The following LHPP variants were observed in gnomAD, a reference collection of about 807,000 sequenced individuals.
LHPP encodes phospholysine phosphohistidine inorganic pyrophosphate phosphatase.
LHPP carries 24 observed loss-of-function variants against 30.3 expected under a neutral mutation model. That is an observed-to-expected ratio of 0.79 (90% CI 0.57 to 1.11). The LOEUF (loss-of-function observed/expected upper bound fraction) is 1.11. Ranked by LOEUF, LHPP falls within the 50% of genes most tolerant of loss-of-function variation. The pLI is 0.00. For synonymous variants in LHPP, 150 were observed against 157.1 expected, an observed-to-expected ratio of 0.95 and a Z score of 0.34; for missense variants, 356 against 367.2, an observed-to-expected ratio of 0.97 and a Z score of 0.25.
At chr10:124,505,355 G>C (rs1442655548) in intron 5 of LHPP, among the ~76,000 whole-genome samples, 2 of 152,042 alleles carry the variant, frequency 1.3e-5, no homozygotes, top group Non-Finnish European at 2.9e-5. Flanking sequence ...GCCAGGCTGT[G>C]GCAAACCTTA....
In LHPP at chr10:124,523,643, T is replaced by TA. The variant is rs1954662984; in HGVS notation, c.716+6373dup. On this transcript the variant is annotated intron_variant, in intron 6 of 6. Coordinates refer to ENST00000368842, the MANE Select transcript of LHPP (RefSeq NM_022126.4). This position sits in a 1 kb window ranked among gnomAD's most constrained non-coding sequence, Gnocchi z 4.2. ...GCAGTCACATGTCAAAGTGAGTGGCTAGCAAGCAGGGGGGTCCAGGCTGTG... is the reference window on the plus strand; with the variant it reads ...GCAGTCACATGTCAAAGTGAGTGGCTAAGCAAGCAGGGGGGTCCAGGCTGTG... Among the ~76,000 whole-genome samples the TA allele has an allele frequency of 6.6e-6, 1 of 152,218 alleles. No homozygotes were observed. The highest frequency in any genetic ancestry group is 2.1e-4 in the South Asian group (1 of 4,832).
chr10:124,497,074 G>A (rs1419917561), intron 4 of LHPP, 50 bp downstream of exon 4: 1 of 1,425,158 alleles, frequency 7.0e-7, no homozygotes, highest in South Asian at 1.2e-5. Flanking sequence ...CAGGGCACCT[G>A]GGACTTTTTG....
intron 6 of LHPP, among the ~76,000 whole-genome samples, chr10:124,599,789 C>T (rs898255846): frequency 3.9e-5 from 6 of 152,208 alleles, no homozygotes; most frequent in African/African-American, 1.2e-4. Context: ...TGGCTTGAAC[C>T]GAGTGTCGTG....
chr10:124,581,203 G>T (rs1198413621), intron 6 of LHPP, among the ~76,000 whole-genome samples: 7 of 152,076 alleles, frequency 4.6e-5, no homozygotes, highest in African/African-American at 9.7e-5. Context: ...TGTTTTCAAG[G>T]TTCATCCATG....
chr10:124,567,390 TCCA>T, intron 6 of LHPP, among the ~76,000 whole-genome samples: 1 of 152,230 alleles, frequency 6.6e-6, no homozygotes, highest in Non-Finnish European at 1.5e-5. Flanking sequence ...CTGCCTGCCC[TCCA>T]CGCGCCCCTG....
intron 6 of LHPP, among the ~76,000 whole-genome samples, chr10:124,568,268 A>G (rs1042141498): frequency 1.3e-5 from 2 of 152,170 alleles, no homozygotes; most frequent in Non-Finnish European, 1.5e-5. Flanking sequence ...AGCCGTGTGC[A>G]TATCATAAGG....
intron 6 of LHPP, among the ~76,000 whole-genome samples, chr10:124,519,456 A>G (rs1011087843): frequency 6.6e-6 from 1 of 152,134 alleles, no homozygotes; most frequent in Non-Finnish European, 1.5e-5. Flanking sequence ...TTAAAATTTC[A>G]GTAGTTTTTG....
At chr10:124,584,428 C>T (rs548338242) in intron 6 of LHPP, among the ~76,000 whole-genome samples, 107 of 151,680 alleles carry the variant, frequency 7.1e-4, no homozygotes, top group African/African-American at 2.4e-3. Flanking sequence ...GCTGGGAATT[C>T]CAATATCAAG....
At chr10:124,516,393 C>G (rs925883490) in intron 5 of LHPP, among the ~76,000 whole-genome samples, 3 of 152,192 alleles carry the variant, frequency 2.0e-5, no homozygotes, top group Admixed American at 2.0e-4. Context: ...GCCCTGTCTC[C>G]AAATACAGTC....
intron 6 of LHPP, among the ~76,000 whole-genome samples, chr10:124,525,460 G>A (rs1324101286): frequency 1.3e-5 from 2 of 152,198 alleles, no homozygotes; most frequent in Non-Finnish European, 1.5e-5. Context: ...CGACCATCAC[G>A]AGCTGTTCTG....
intron 6 of LHPP, among the ~76,000 whole-genome samples, chr10:124,562,944 AAG>A (rs1243132765): frequency 1.3e-5 from 2 of 148,656 alleles, no homozygotes; most frequent in African/African-American, 4.9e-5. Flanking sequence ...TAAAAAAAAA[AAG>A]AAAAAAAAAA....
intron 6 of LHPP, among the ~76,000 whole-genome samples, chr10:124,606,752 G>A (rs1484375127): frequency 6.6e-6 from 1 of 152,210 alleles, no homozygotes; most frequent in Non-Finnish European, 1.5e-5. Flanking sequence ...GAGCAGCGCT[G>A]TGACCCCCAC....
intron 6 of LHPP, among the ~76,000 whole-genome samples, chr10:124,600,214 CCT>C (rs1949003774): frequency 6.6e-6 from 1 of 152,224 alleles, no homozygotes; most frequent in South Asian, 2.1e-4. Flanking sequence ...TGATGGGTCC[CCT>C]GTCAGACCTC....
At chr10:124,473,233 G>A (rs951874195) in intron 1 of LHPP, among the ~76,000 whole-genome samples, 1 of 152,128 alleles carries the variant, frequency 6.6e-6, no homozygotes, top group Non-Finnish European at 1.5e-5. Context: ...GCCCCACAAC[G>A]TGCAAGAAGC....
intron 5 of LHPP, among the ~76,000 whole-genome samples, chr10:124,506,637 T>C (rs1954078567): frequency 7.3e-6 from 1 of 137,872 alleles, no homozygotes; most frequent in Admixed American, 7.4e-5. Context: ...CAGAATTTCT[T>C]AGGGAGGTGG....
chr10:124,526,660 A>C (rs1246664760), intron 6 of LHPP, among the ~76,000 whole-genome samples: 2 of 151,962 alleles, frequency 1.3e-5, no homozygotes, highest in Non-Finnish European at 2.9e-5. Context: ...TGAGCTGGAC[A>C]TAAGCAGGAC....
At chr10:124,612,299 A>G (rs1949212812) in intron 6 of LHPP, among the ~76,000 whole-genome samples, 1 of 152,150 alleles carries the variant, frequency 6.6e-6, no homozygotes, top group Admixed American at 6.5e-5. Context: ...CCAGCTACTC[A>G]AGAGCCGAGG....
intron 1 of LHPP, among the ~76,000 whole-genome samples, chr10:124,467,655 G>A (rs1329946160): frequency 6.6e-6 from 1 of 150,838 alleles, no homozygotes; most frequent in Non-Finnish European, 1.5e-5. Flanking sequence ...CCAGATAGCT[G>A]GGACTACAGG....
At chr10:124,505,346 C>T (rs992002145) in intron 5 of LHPP, among the ~76,000 whole-genome samples, 2 of 152,074 alleles carry the variant, frequency 1.3e-5, no homozygotes, top group Non-Finnish European at 2.9e-5. Context: ...CTGCTGAATG[C>T]CAGGCTGTGG....
Sources: allele counts gnomAD v4.1 joint callset (sites outside exome capture counted in the v4.1 genomes callset), GRCh38; gene constraint gnomAD v4.1.1; non-coding constraint Gnocchi (gnomAD v3.1); transcripts MANE v1.5; gene names NCBI Gene and HGNC (gene_info 2026-07-23, HGNC 2026-07-21).